The following MIB1 variants were observed in gnomAD, a reference collection of about 807,000 sequenced individuals.
The protein encoded by MIB1 is E3 ubiquitin-protein ligase MIB1.
MIB1 carries 278 observed loss-of-function variants against 124.5 expected under a neutral mutation model. The observed-to-expected ratio is 2.23, with a 90% CI of 2.02 to 2.47. MIB1 has a LOEUF of 2.47. Among genes scored for constraint, MIB1 ranks in the 30% most tolerant of loss-of-function variants. MIB1 has a pLI of 0.00. For synonymous variants in MIB1, 446 were observed against 429.4 expected (o/e 1.04, Z -0.48); for missense variants, 957 against 1,254.4 (o/e 0.76, Z 3.58).
chr18:21,727,676 A>G (rs751858717), intron 1 of MIB1, among the ~76,000 whole-genome samples: 1 of 152,154 alleles, frequency 6.6e-6, no homozygotes, highest in Non-Finnish European at 1.5e-5. Context: ...AGGTGAGGGG[A>G]TAGCTTAAGC....
intron 1 of MIB1, among the ~76,000 whole-genome samples, chr18:21,748,442 C>T (rs1022134463): frequency 7.4e-6 from 1 of 135,170 alleles, no homozygotes; most frequent in African/African-American, 2.7e-5. Context: ...CCTTTCTCTT[C>T]TTTCTTTCTG....
intron 10 of MIB1, among the ~76,000 whole-genome samples, chr18:21,806,685 G>A (rs565947504): frequency 1.2e-3 from 175 of 150,638 alleles, no homozygotes; most frequent in African/African-American, 4.1e-3. Context: ...TAGTAGTAGC[G>A]CGATCTTGGC....
intron 6 of MIB1, among the ~76,000 whole-genome samples, chr18:21,785,554 T>A (rs1363506622): frequency 6.6e-6 from 1 of 152,218 alleles, no homozygotes; most frequent in Non-Finnish European, 1.5e-5. Flanking sequence ...TCTGTGTACA[T>A]CTTTTGATAT....
intron 6 of MIB1, among the ~76,000 whole-genome samples, chr18:21,780,867 T>C (rs146901020): frequency 1.9e-3 from 292 of 152,282 alleles, no homozygotes; most frequent in African/African-American, 6.7e-3. Flanking sequence ...CATACTGATA[T>C]TCTTTCTTCT....
chr18:21,806,407 GC>G (rs2041707271), intron 10 of MIB1, among the ~76,000 whole-genome samples: 1 of 151,882 alleles, frequency 6.6e-6, no homozygotes, highest in Non-Finnish European at 1.5e-5. Context: ...TCACTATGTT[GC>G]CCAGTTTGGT....
chr18:21,838,307 T>C, intron 12 of MIB1, 58 bp from the exon 13 acceptor site: 5 of 1,283,812 alleles, frequency 3.9e-6, no homozygotes, highest in Non-Finnish European at 5.3e-6. Context: ...ATTGCAAACT[T>C]TTCTTTTGAG....
At chr18:21,790,863 G>A (rs1163072817) in intron 6 of MIB1, among the ~76,000 whole-genome samples, 2 of 152,250 alleles carry the variant, frequency 1.3e-5, no homozygotes, top group East Asian at 3.9e-4. Context: ...TTGTATTAAG[G>A]TGGTAAGATT....
In MIB1 at chr18:21,778,148, A is replaced by C; in HGVS notation, c.682A>C (p.Arg228=). ...GGATGCCAAGGGAGGTTCTTTCTAC[A>C]GAGATCACTGCCCTGTGCTAGGTGA... is the stretch of plus-strand genomic sequence containing the variant. ...VQDAKGGSFY[R]DHCPVLGEQN... is the part of the protein sequence containing the mutation. Residue 228 remains arginine (R), a synonymous_variant, in exon 5 of 21, where the codon AGA becomes CGA. Transcript: ENST00000261537. 1 of 1,610,592 alleles carries C rather than the reference A, an allele frequency of 6.2e-7. No individual in the cohort carries two copies. The highest frequency in any genetic ancestry group is 1.7e-5 in the Admixed American group (1 of 60,016).
At chr18:21,764,734 AAAAAC>A (rs917129760) in intron 1 of MIB1, among the ~76,000 whole-genome samples, 54 of 147,442 alleles carry the variant, frequency 3.7e-4, no homozygotes, top group African/African-American at 1.2e-3. Flanking sequence ...TTTTGAAAAA[AAAAAC>A]AAAACAAAAC....
Position 21,791,436 on chromosome 18 carries a change from A to G in MIB1, c.971A>G (p.Gln324Arg), listed in dbSNP as rs763117654. 9.3e-6 allele frequency: 15 copies of G among 1,613,864 alleles called. No individual in the cohort carries two copies. Among genetic ancestry groups the G allele is most frequent in the Admixed American group, 6.7e-5 (4 of 59,982 alleles). ...ATTGTCCGAAGTGGAGATGCTGCTC[A>G]GGGTGCAGAAGGAGGCACCTCGCAG... Reference protein sequence around the residue: ...ANIVRSGDAAQGAEGGTSQFQ... With the variant: ...ANIVRSGDAARGAEGGTSQFQ... The change falls in exon 7 of 21, where the codon CAG (glutamine) becomes CGG (arginine). Residue 324 changes from glutamine to arginine, a missense_variant. By Grantham distance (43) the Gln-to-Arg change is conservative. Transcript: ENST00000261537.
intron 20 of MIB1, 135 bp from the exon 21 acceptor site, chr18:21,864,391 G>T: frequency 1.6e-6 from 1 of 638,676 alleles, no homozygotes; most frequent in Admixed American, 2.9e-5. Flanking sequence ...ATTTAAAAAT[G>T]TTAAAAAATT....
intron 1 of MIB1, among the ~76,000 whole-genome samples, chr18:21,711,719 G>A (rs1568173814): frequency 6.6e-6 from 1 of 152,062 alleles, no homozygotes; most frequent in East Asian, 1.9e-4. Context: ...TTTTTGACAA[G>A]GTTTTGCTCT....
chr18:21,791,494 T>C lies in MIB1; in HGVS notation c.1029T>C (p.Tyr343=). 1 of 1,614,118 alleles carries C rather than the reference T, an allele frequency of 6.2e-7. No homozygotes were observed. The highest frequency in any genetic ancestry group is 2.2e-5 in the East Asian group (1 of 44,882). Residue 343 remains tyrosine, a synonymous_variant, in exon 7 of 21, where the codon TAT becomes TAC. Transcript: ENST00000261537. The part of the protein sequence containing the change: ...FQVGDLVQVC[Y]DLERIKLLQR... ...TGGGTGATCTTGTACAAGTTTGTTA[T>C]GACCTGGAACGAATTAAACTTCTAC...
At chr18:21,787,117 A>G (rs2041444910) in intron 6 of MIB1, among the ~76,000 whole-genome samples, 1 of 151,926 alleles carries the variant, frequency 6.6e-6, no homozygotes. Flanking sequence ...AATCCCCTAA[A>G]TTATAGATTG....
intron 1 of MIB1, among the ~76,000 whole-genome samples, chr18:21,764,128 C>A (rs895460827): frequency 8.5e-5 from 13 of 152,090 alleles, no homozygotes; most frequent in African/African-American, 3.1e-4. Context: ...ATTTATGTGA[C>A]AGGAGACTGC....
At chr18:21,724,962 G>A (rs987821415) in intron 1 of MIB1, among the ~76,000 whole-genome samples, 8 of 148,514 alleles carry the variant, frequency 5.4e-5, no homozygotes, top group African/African-American at 2.0e-4. Context: ...GGGCATGGTT[G>A]CGGGCGCCTG....
At chr18:21,810,298 T>C (rs2041756821) in intron 10 of MIB1, among the ~76,000 whole-genome samples, 1 of 152,124 alleles carries the variant, frequency 6.6e-6, no homozygotes, top group Non-Finnish European at 1.5e-5. Flanking sequence ...ATTTATATTG[T>C]TAAGATGTCA....
At chr18:21,764,677 G>A (rs1286426052) in intron 1 of MIB1, among the ~76,000 whole-genome samples, 1 of 151,522 alleles carries the variant, frequency 6.6e-6, no homozygotes, top group Non-Finnish European at 1.5e-5. Flanking sequence ...GGCTAATCTT[G>A]TTTTACCTAA....
At chr18:21,803,717 A>G (rs907361544) in intron 9 of MIB1, 190 bp from the exon 10 acceptor site, 7 of 432,636 alleles carry the variant, frequency 1.6e-5, no homozygotes, top group East Asian at 3.3e-5. Context: ...TTTGTTTTTT[A>G]AAACAATGCT....
Sources: gnomAD v4.1 joint callset for allele counts (sites outside exome capture counted in the v4.1 genomes callset) on GRCh38, gnomAD v4.1.1 for gene constraint, MANE v1.5 for transcripts, NCBI Gene and HGNC (gene_info 2026-07-23, HGNC 2026-07-21) for gene names.